Variants in PRKG1 observed in about 807,000 individuals in gnomAD.
PRKG1 encodes cGMP-dependent protein kinase 1.
In PRKG1, 35 loss-of-function variants were observed where a neutral mutation model predicts 88.1. The observed-to-expected ratio is 0.40, with a 90% confidence interval of 0.30 to 0.53. The LOEUF (loss-of-function observed/expected upper bound fraction) is 0.53. Ranked by LOEUF, PRKG1 falls within the 20% of genes least tolerant of loss-of-function variation. The pLI, the probability that PRKG1 is intolerant of heterozygous loss-of-function variation, is 0.59. For missense variants in PRKG1, 540 were observed against 839.8 expected, an observed-to-expected ratio of 0.64 and a Z score of 4.41; for synonymous variants, 303 against 292.5, an observed-to-expected ratio of 1.04 and a Z score of -0.37.
intron 9 of PRKG1, among the ~76,000 whole-genome samples, chr10:52,177,679 T>C (rs1190074930): frequency 6.6e-6 from 1 of 152,088 alleles, no homozygotes; most frequent in Non-Finnish European, 1.5e-5. Context: ...TTACTTGTTA[T>C]TGGTCTGTTA....
intron 2 of PRKG1, among the ~76,000 whole-genome samples, chr10:51,343,188 G>A (rs908712842): frequency 6.6e-6 from 1 of 152,146 alleles, no homozygotes; most frequent in African/African-American, 2.4e-5. Context: ...AACTCATGTT[G>A]TCTATACTCT....
intron 2 of PRKG1, among the ~76,000 whole-genome samples, chr10:51,236,409 C>T (rs1838989424): frequency 6.6e-6 from 1 of 152,070 alleles, no homozygotes; most frequent in South Asian, 2.1e-4. Flanking sequence ...TGATATTTTT[C>T]CCACCTCCCT....
intron 4 of PRKG1, among the ~76,000 whole-genome samples, chr10:51,907,262 T>G (rs552533788): frequency 6.6e-6 from 1 of 151,666 alleles, no homozygotes; most frequent in African/African-American, 2.4e-5. Context: ...AAACTCCAAG[T>G]TTTTTTTTCA....
intron 3 of PRKG1, among the ~76,000 whole-genome samples, chr10:51,597,955 T>A (rs1838497990): frequency 6.6e-6 from 1 of 152,112 alleles, no homozygotes; most frequent in Admixed American, 6.6e-5. Context: ...AAGTTGATTT[T>A]AAAAAAACTC....
intron 2 of PRKG1, among the ~76,000 whole-genome samples, chr10:51,219,204 C>T (rs1010447827): frequency 2.0e-5 from 3 of 152,170 alleles, no homozygotes; most frequent in Non-Finnish European, 4.4e-5. Context: ...CTACAGTTTA[C>T]ACCGAACATA....
intron 2 of PRKG1, among the ~76,000 whole-genome samples, chr10:51,464,984 A>G (rs1839859922): frequency 6.6e-6 from 1 of 152,152 alleles, no homozygotes. Context: ...GACTTACACA[A>G]TTCTGGCTGT....
chr10:51,146,589 C>T (rs1002505513), intron 1 of PRKG1, among the ~76,000 whole-genome samples: 8 of 151,992 alleles, frequency 5.3e-5, no homozygotes, highest in African/African-American at 1.9e-4. Context: ...TTGACATAGT[C>T]CCATTTGTGT....
At chr10:51,414,088 C>A (rs925315751) in intron 2 of PRKG1, among the ~76,000 whole-genome samples, 2 of 152,144 alleles carry the variant, frequency 1.3e-5, no homozygotes, top group South Asian at 2.1e-4. Context: ...GATAACAATA[C>A]CCATTTTTTA....
intron 5 of PRKG1, among the ~76,000 whole-genome samples, chr10:51,938,124 C>G (rs1842833525): frequency 6.6e-6 from 1 of 151,988 alleles, no homozygotes; most frequent in Non-Finnish European, 1.5e-5. Context: ...TTCATGATGC[C>G]TATGTCATTC....
At chr10:51,989,369 T>C (rs1844244149) in intron 5 of PRKG1, among the ~76,000 whole-genome samples, 1 of 151,300 alleles carries the variant, frequency 6.6e-6, no homozygotes, top group African/African-American at 2.4e-5. Flanking sequence ...ATTTTAAGAA[T>C]GATTACCCGT....
intron 2 of PRKG1, among the ~76,000 whole-genome samples, chr10:51,402,397 G>T (rs540896350): frequency 2.0e-4 from 30 of 152,208 alleles, no homozygotes; most frequent in African/African-American, 6.7e-4. Context: ...ATGTCTGTGG[G>T]AAACATGAAA....
At chr10:51,145,048 G>T (rs1473998090) in intron 1 of PRKG1, among the ~76,000 whole-genome samples, 1 of 152,064 alleles carries the variant, frequency 6.6e-6, no homozygotes, top group Non-Finnish European at 1.5e-5. Context: ...ATTCTAAAAT[G>T]ATTTCTTTAA....
At chr10:52,167,707 C>T (rs1022376030) in intron 9 of PRKG1, among the ~76,000 whole-genome samples, 4 of 151,714 alleles carry the variant, frequency 2.6e-5, no homozygotes, top group African/African-American at 9.7e-5. Context: ...TACTTTGTGT[C>T]GTGACATTCA....
chr10:51,498,366 T>C (rs1204849210), intron 3 of PRKG1, among the ~76,000 whole-genome samples: 3 of 152,212 alleles, frequency 2.0e-5, no homozygotes, highest in Admixed American at 6.5e-5. Context: ...TCAAATGGAA[T>C]AATCTAGCTA....
chr10:52,176,373 T>C (rs1487186202), intron 9 of PRKG1, among the ~76,000 whole-genome samples: 1 of 152,092 alleles, frequency 6.6e-6, no homozygotes, highest in East Asian at 1.9e-4. Flanking sequence ...TATTTTTTTC[T>C]GTGTCTTTTA....
intron 9 of PRKG1, among the ~76,000 whole-genome samples, chr10:52,188,460 G>A (rs1839278158): frequency 6.6e-6 from 1 of 150,684 alleles, no homozygotes; most frequent in African/African-American, 2.4e-5. Flanking sequence ...GTGATCCTCC[G>A]ACCTCACTCA....
At chr10:51,385,196 G>A (rs10740244) in intron 2 of PRKG1, among the ~76,000 whole-genome samples, 41,979 of 152,016 alleles carry the variant, frequency 0.28, 6,090 homozygotes, top group Middle Eastern at 0.32. Flanking sequence ...CAGAAAAAAA[G>A]TAATGGTGCT....
intron 8 of PRKG1, among the ~76,000 whole-genome samples, chr10:52,140,494 A>C (rs1837549464): frequency 6.6e-6 from 1 of 151,400 alleles, no homozygotes; most frequent in Non-Finnish European, 1.5e-5. Flanking sequence ...CCATGCACAC[A>C]CCTCTTTTTA....
chr10:51,756,447 A>T (rs1180085222), intron 3 of PRKG1, among the ~76,000 whole-genome samples: 4 of 150,100 alleles, frequency 2.7e-5, no homozygotes, highest in Non-Finnish European at 5.9e-5. Context: ...AGGTTGTGCC[A>T]CTGCACTCCA....
Sources: gnomAD v4.1 joint callset for allele counts (sites outside exome capture counted in the v4.1 genomes callset) on GRCh38, gnomAD v4.1.1 for gene constraint, MANE v1.5 for transcripts, NCBI Gene and HGNC (gene_info 2026-07-23, HGNC 2026-07-21) for gene names.